The following RBM47 variants were observed in gnomAD, a reference collection of about 807,000 sequenced individuals.
RBM47 encodes the protein RNA binding motif protein 47.
In RBM47, 21 loss-of-function variants were observed where a neutral mutation model predicts 47.1. The observed-to-expected ratio is 0.45, with a 90% CI of 0.32 to 0.64. RBM47 has a LOEUF of 0.64. Among genes scored for constraint, RBM47 ranks in the 30% least tolerant of loss-of-function variants. The probability of loss-of-function intolerance (pLI) is 0.05; values close to 1 mark genes in which losing one functional copy is unlikely to be tolerated. For synonymous variants in RBM47, 375 were observed against 361.7 expected (o/e 1.04, Z -0.42); for missense variants, 708 against 870.9 (o/e 0.81, Z 2.35).
At chr4:40,436,942 C>G in intron 4 of RBM47, 1 of 444,970 alleles carries the variant, frequency 2.2e-6, no homozygotes, top group Non-Finnish European at 4.3e-6. Context: ...CTCCCCCCCG[C>G]CAAAAAAAAA....
chr4:40,443,717 CAAAAAAAAAAAAAAAAA>C lies in RBM47; in HGVS notation c.-31-4810_-31-4794del, dbSNP rs10581870. Among the ~76,000 whole-genome samples the C allele has an allele frequency of 2.5e-3, 117 of 47,754 alleles. 1 individual carries two copies. The South Asian group carries it at 0.026, about 11-fold the overall frequency. 31.3% of individuals were successfully genotyped at this position (47,754 alleles called of 152,430 possible). A position where few individuals can be genotyped will look rare whatever the true frequency, so the allele number is the denominator to read the frequency against. On this transcript the variant is annotated intron_variant, in intron 3 of 6. Transcript: ENST00000295971. ...GGGCAACAAGAGTGAAACTCCTTCT[CAAAAAAAAAAAAAAAAA>C]AAAAAAAAAAAAAAAAAAGGTACAC...
At chr4:40,584,273 C>CT (rs982843627) in intron 1 of RBM47, among the ~76,000 whole-genome samples, 1 of 152,126 alleles carries the variant, frequency 6.6e-6, no homozygotes. Flanking sequence ...TGGTTGTTCA[C>CT]TTATTAAACT....
intron 2 of RBM47, among the ~76,000 whole-genome samples, chr4:40,483,547 G>A (rs1720699393): frequency 1.3e-5 from 2 of 152,170 alleles, no homozygotes; most frequent in South Asian, 4.1e-4. Context: ...TCACTGGTGT[G>A]CAGCCGGGTG....
intron 2 of RBM47, among the ~76,000 whole-genome samples, chr4:40,517,077 C>T (rs553817365): frequency 5.3e-5 from 8 of 152,162 alleles, no homozygotes; most frequent in South Asian, 2.1e-4. Context: ...AGGGTATTTG[C>T]GTGTCCTCAA....
At chr4:40,556,609 G>T (rs1577953109) in intron 1 of RBM47, among the ~76,000 whole-genome samples, 2 of 152,114 alleles carry the variant, frequency 1.3e-5, no homozygotes, top group South Asian at 4.1e-4. Context: ...TACTATGAGG[G>T]CCAGACACAG....
chr4:40,468,966 G>C (rs1718451584), intron 2 of RBM47, among the ~76,000 whole-genome samples: 4 of 152,216 alleles, frequency 2.6e-5, no homozygotes, highest in Admixed American at 2.6e-4. Flanking sequence ...CTGGACAATA[G>C]ACTCCTGCAT....
Position 40,438,574 on chromosome 4 carries a change from T to C in RBM47, c.320A>G (p.Asp107Gly). Residue 107 changes from aspartate to glycine, a missense_variant, in exon 4 of 7, where the codon GAC becomes GGC. By Grantham distance (94) the Asp-to-Gly change is moderately conservative (BLOSUM62 -1). Coordinates refer to ENST00000295971, the MANE Select transcript of RBM47 (RefSeq NM_001098634.2). ...GAAGGCGTAGCCGCGGTTCTTGCCG[T>C]CAAAGTCCATCATGAGGCGCAGCTC... ...IYELRLMMDF[D>G]GKNRGYAFVM... 2.5e-6 allele frequency: 4 copies of C among 1,613,910 alleles called. No homozygotes were observed. Among genetic ancestry groups the C allele is most frequent in the Non-Finnish European group, 3.4e-6 (4 of 1,179,970 alleles).
chr4:40,458,887 T>C (rs1039136184), intron 3 of RBM47, among the ~76,000 whole-genome samples: 6 of 152,204 alleles, frequency 3.9e-5, no homozygotes, highest in African/African-American at 1.4e-4. Flanking sequence ...GCTTGTTTAC[T>C]TTAAAAATTT....
At chr4:40,470,773 C>T (rs1718738195) in intron 2 of RBM47, among the ~76,000 whole-genome samples, 1 of 152,118 alleles carries the variant, frequency 6.6e-6, no homozygotes, top group Admixed American at 6.5e-5. Context: ...GGCAGAGTCT[C>T]GCTCTGTTGC....
At chr4:40,596,342 G>A (rs796557540) in intron 1 of RBM47, among the ~76,000 whole-genome samples, 3 of 152,188 alleles carry the variant, frequency 2.0e-5, no homozygotes, top group South Asian at 2.1e-4. Flanking sequence ...GAATTCTTAG[G>A]TTTAAGGGGG....
At chr4:40,603,069 A>G in intron 1 of RBM47, among the ~76,000 whole-genome samples, 1 of 152,140 alleles carries the variant, frequency 6.6e-6, no homozygotes, top group Admixed American at 6.6e-5. Context: ...AACTTTAACA[A>G]ACTGAACATA....
At position 40,489,647 on chromosome 4, in the gene RBM47, C is replaced by T. The variant is rs769171791; in HGVS notation, c.-154-22948G>A. Reference sequence around the variant, plus strand: ...AGAAGAAATAGAATATCTGAATAGACTTATAAGTAAATACACTGAATTTGT... The same window carrying T: ...AGAAGAAATAGAATATCTGAATAGATTTATAAGTAAATACACTGAATTTGT... On this transcript the variant is annotated intron_variant, in intron 2 of 6. Transcript: ENST00000295971. Among the ~76,000 whole-genome samples, 42 of 152,288 alleles carry T rather than the reference C, an allele frequency of 2.8e-4. 1 individual carries two copies. The highest frequency in any genetic ancestry group is 4.1e-4 in the Non-Finnish European group (28 of 68,018).
chr4:40,560,568 G>A lies in RBM47; in HGVS notation c.-239-16062C>T, dbSNP rs185144643. ...GCCAGTCCAGGGGAAGCCAGGAGGT[G>A]ACCTCCCCGACCCTCTCCTGCCTAG... On this transcript the variant is annotated intron_variant, in intron 1 of 6. Coordinates refer to ENST00000295971, the MANE Select transcript of RBM47 (RefSeq NM_001098634.2). Among the ~76,000 whole-genome samples the A allele has an allele frequency of 2.5e-3, 385 of 152,338 alleles. 3 individuals are homozygous for A. Among genetic ancestry groups the A allele is most frequent in the African/African-American group, 8.7e-3 (361 of 41,580 alleles).
Position 40,570,082 on chromosome 4 carries a change from G to A in RBM47, c.-239-25576C>T, listed in dbSNP as rs1177275981. ...CTGTCACAAATAGACTGCCACTAAA[G>A]GATATTCTAAAGCAGCGGTCCCCAA... On this transcript the variant is annotated intron_variant, in intron 1 of 6. Transcript: ENST00000295971. 1.3e-5 allele frequency among the ~76,000 whole-genome samples: 2 copies of A among 152,000 alleles called. 1 individual carries two copies. The highest frequency in any genetic ancestry group is 2.9e-5 in the Non-Finnish European group (2 of 67,938).
At chr4:40,481,488 T>TA (rs1342379021) in intron 2 of RBM47, among the ~76,000 whole-genome samples, 5,418 of 114,966 alleles carry the variant, frequency 0.047, 142 homozygotes, top group Non-Finnish European at 0.069. Flanking sequence ...TTATTATTAT[T>TA]TTTATTTTTA....
At chr4:40,554,405 C>CAAAA (rs59793972) in intron 1 of RBM47, among the ~76,000 whole-genome samples, 4 of 91,038 alleles carry the variant, frequency 4.4e-5, no homozygotes, top group Admixed American at 1.3e-4. Flanking sequence ...AAGCAAACCT[C>CAAAA]AAAAAAAAAA....
rs754135511 is a variant in RBM47, at chr4:40,425,896, C to G, written c.*8G>C. Reference sequence around the variant, plus strand: ...TTGTGTGGTCTGTCTTCGTGCTGGTCACCAGCCTCAGTATGTCTGGTAGAC... The same window carrying G: ...TTGTGTGGTCTGTCTTCGTGCTGGTGACCAGCCTCAGTATGTCTGGTAGAC... On this transcript the variant is annotated 3_prime_UTR_variant, in exon 7 of 7. Coordinates refer to ENST00000295971, the MANE Select transcript of RBM47 (RefSeq NM_001098634.2). 6.2e-7 allele frequency: 1 copy of G among 1,613,814 alleles called. No homozygotes were observed. The highest frequency in any genetic ancestry group is 1.7e-5 in the Admixed American group (1 of 60,002).
intron 1 of RBM47, among the ~76,000 whole-genome samples, chr4:40,558,577 C>T (rs1308293906): frequency 6.6e-6 from 1 of 150,484 alleles, no homozygotes; most frequent in Non-Finnish European, 1.5e-5. Context: ...CTTGTAATCC[C>T]AGCACTTTGG....
chr4:40,427,656 T>C (rs537874572), intron 6 of RBM47: 6 of 152,272 alleles, frequency 3.9e-5, no homozygotes, highest in African/African-American at 1.4e-4. Flanking sequence ...TGTTAATACA[T>C]CTTCAAAATA....
Sources: gnomAD v4.1 joint callset for allele counts (sites outside exome capture counted in the v4.1 genomes callset) on GRCh38, gnomAD v4.1.1 for gene constraint, MANE v1.5 for transcripts, NCBI Gene and HGNC (gene_info 2026-07-23, HGNC 2026-07-21) for gene names.